GALNT13: variants seen among roughly 807,000 people sequenced by gnomAD.
GALNT13 encodes UDP-GalNAc:polypeptide N-acetylgalactosaminyltransferase 13.
In GALNT13, 28 loss-of-function variants were observed where a neutral mutation model predicts 64.2. That is an observed-to-expected ratio of 0.44 (90% CI 0.32 to 0.60). The LOEUF (loss-of-function observed/expected upper bound fraction) is 0.60. GALNT13 is among the 20% of genes least tolerant of loss of function. The pLI is 0.05. For synonymous variants in GALNT13, 214 were observed against 224.6 expected (o/e 0.95, Z 0.42); for missense variants, 577 against 669.8 (o/e 0.86, Z 1.53).
chr2:153,734,917 A>G, the GALNT13 span, among the ~76,000 whole-genome samples: 3 of 152,170 alleles, frequency 2.0e-5, no homozygotes, highest in Admixed American at 2.0e-4. Flanking sequence ...TAGAGGGCCA[A>G]AATCAAAATG....
At chr2:154,287,477 T>C (rs1455413686) in intron 8 of GALNT13, 1 of 341,246 alleles carries the variant, frequency 2.9e-6, no homozygotes, top group African/African-American at 2.1e-5. Flanking sequence ...AGCCCAGTGA[T>C]TCTTAACAAT....
chr2:153,382,424 G>T, the GALNT13 span, among the ~76,000 whole-genome samples: 1 of 152,094 alleles, frequency 6.6e-6, no homozygotes, highest in East Asian at 1.9e-4. Context: ...GACATGTGGT[G>T]TTGGGTTTTC....
At chr2:153,415,109 G>GT in the GALNT13 span, among the ~76,000 whole-genome samples, 1 of 151,866 alleles carries the variant, frequency 6.6e-6, no homozygotes, top group African/African-American at 2.4e-5. Flanking sequence ...GTAGCTACAT[G>GT]TTAAAAAAAA....
chr2:153,301,626 G>A, the GALNT13 span, among the ~76,000 whole-genome samples: 1 of 152,118 alleles, frequency 6.6e-6, no homozygotes, highest in Non-Finnish European at 1.5e-5. Context: ...GTGTTGAACA[G>A]TAGATCTCTT....
intron 1 of GALNT13, among the ~76,000 whole-genome samples, chr2:153,880,779 G>C (rs1444621211): frequency 6.6e-6 from 1 of 151,922 alleles, no homozygotes; most frequent in African/African-American, 2.4e-5. Context: ...TTTTCTTAAG[G>C]TAAATACTGT....
the GALNT13 span, among the ~76,000 whole-genome samples, chr2:153,656,339 T>TGTGTGCGC: frequency 2.8e-5 from 4 of 141,580 alleles, no homozygotes; most frequent in African/African-American, 1.0e-4. Context: ...TGTGTGTGTG[T>TGTGTGCGC]GCGCGCGCAC....
the GALNT13 span, among the ~76,000 whole-genome samples, chr2:153,398,980 G>A: frequency 3.5e-5 from 4 of 114,450 alleles, no homozygotes; most frequent in South Asian, 3.5e-4. Context: ...TTGGTGTTTT[G>A]GACATGAAGT....
At chr2:153,707,407 C>CT in the GALNT13 span, among the ~76,000 whole-genome samples, 1 of 152,128 alleles carries the variant, frequency 6.6e-6, no homozygotes, top group Admixed American at 6.5e-5. Context: ...TTTGTGGTTG[C>CT]TATGAAACAT....
chr2:154,405,348 G>A (rs912990826), intron 10 of GALNT13, among the ~76,000 whole-genome samples: 1 of 151,644 alleles, frequency 6.6e-6, no homozygotes, highest in African/African-American at 2.4e-5. Flanking sequence ...TATAAAAATT[G>A]GAAACTAAAT....
At chr2:153,430,510 AATAG>A in the GALNT13 span, among the ~76,000 whole-genome samples, 2 of 137,504 alleles carry the variant, frequency 1.5e-5, no homozygotes, top group African/African-American at 2.7e-5. Context: ...GATAGGTATT[AATAG>A]ATAGGTAGGT....
intron 9 of GALNT13, among the ~76,000 whole-genome samples, chr2:154,305,803 C>A (rs916007443): frequency 1.3e-5 from 2 of 152,174 alleles, no homozygotes; most frequent in East Asian, 3.9e-4. Context: ...ATAACATGGG[C>A]AAACCATCAT....
At chr2:153,242,591 A>G in the GALNT13 span, among the ~76,000 whole-genome samples, 1 of 152,234 alleles carries the variant, frequency 6.6e-6, no homozygotes, top group Non-Finnish European at 1.5e-5. Flanking sequence ...AAGATTTTTT[A>G]AAGAGAGCTC....
the GALNT13 span, among the ~76,000 whole-genome samples, chr2:153,231,244 A>G: frequency 1.2e-4 from 18 of 152,310 alleles, no homozygotes; most frequent in African/African-American, 3.8e-4. Context: ...GAGTTTTCAA[A>G]TGAGAATTTT....
At chr2:153,624,920 G>C in the GALNT13 span, among the ~76,000 whole-genome samples, 1 of 150,684 alleles carries the variant, frequency 6.6e-6, no homozygotes, top group Admixed American at 6.7e-5. Context: ...GGACAAAAAA[G>C]TTTCAAAACA....
chr2:154,389,631 A>G (rs1267814282), intron 9 of GALNT13, among the ~76,000 whole-genome samples: 1 of 152,156 alleles, frequency 6.6e-6, no homozygotes, highest in Non-Finnish European at 1.5e-5. Flanking sequence ...AATTATTATC[A>G]TTGAAATGCC....
At chr2:153,928,125 A>G (rs1375989128) in intron 2 of GALNT13, among the ~76,000 whole-genome samples, 1 of 151,990 alleles carries the variant, frequency 6.6e-6, no homozygotes, top group African/African-American at 2.4e-5. Context: ...TTAATTGTCA[A>G]CCAGACTAGT....
chr2:153,527,230 A>G, the GALNT13 span, among the ~76,000 whole-genome samples: 2 of 152,146 alleles, frequency 1.3e-5, no homozygotes, highest in Admixed American at 1.3e-4. Context: ...AAAGAAGACT[A>G]CCTCAACACA....
chr2:153,917,822 G>C (rs1650440992), intron 2 of GALNT13, among the ~76,000 whole-genome samples: 1 of 151,858 alleles, frequency 6.6e-6, no homozygotes, highest in South Asian at 2.1e-4. Flanking sequence ...TGGAAACAAG[G>C]GTTCAACTGA....
intron 3 of GALNT13, among the ~76,000 whole-genome samples, chr2:154,052,275 C>T (rs1699663610): frequency 6.6e-6 from 1 of 152,144 alleles, no homozygotes; most frequent in African/African-American, 2.4e-5. Flanking sequence ...AGGTACTATG[C>T]TATCTGACTT....
Sources: allele counts gnomAD v4.1 joint callset (sites outside exome capture counted in the v4.1 genomes callset), GRCh38; gene constraint gnomAD v4.1.1; transcripts MANE v1.5; gene names NCBI Gene and HGNC (gene_info 2026-07-23, HGNC 2026-07-21).